AKT3: variants seen among roughly 807,000 people sequenced by gnomAD.
AKT3 encodes the protein RAC-gamma serine/threonine-protein kinase.
AKT3 carries 15 observed loss-of-function variants against 65.3 expected under a neutral mutation model. The ratio of observed to expected loss-of-function variants is 0.23; its 90% CI spans 0.15 to 0.35. The LOEUF (loss-of-function observed/expected upper bound fraction) is 0.35, where lower values mean the gene tolerates loss of function less well. Ranked by LOEUF, AKT3 falls within the 10% of genes least tolerant of loss-of-function variation. The pLI is 1.00. For missense variants in AKT3, 243 were observed against 576.5 expected (o/e 0.42, Z 5.92); for synonymous variants, 206 against 183.8 (o/e 1.12, Z -0.98).
At chr1:243,568,055 A>G (rs1472011875) in intron 9 of AKT3, among the ~76,000 whole-genome samples, 1 of 152,224 alleles carries the variant, frequency 6.6e-6, no homozygotes, top group Non-Finnish European at 1.5e-5. Context: ...TACAGTAGTC[A>G]TACATTTTTA....
chr1:243,508,882 T>TA (rs1324936540), intron 13 of AKT3, among the ~76,000 whole-genome samples: 1 of 151,962 alleles, frequency 6.6e-6, no homozygotes, highest in East Asian at 1.9e-4. Context: ...TTGGCCAGGC[T>TA]AGTCTCAGAC....
intron 5 of AKT3, among the ~76,000 whole-genome samples, chr1:243,640,274 G>C (rs1680275296): frequency 1.3e-5 from 2 of 152,188 alleles, no homozygotes; most frequent in Admixed American, 1.3e-4. Context: ...TAATAGAGCA[G>C]AAAAAATCAG....
intron 9 of AKT3, among the ~76,000 whole-genome samples, chr1:243,564,440 TA>T (rs779968346): frequency 5.3e-5 from 8 of 152,144 alleles, no homozygotes; most frequent in Non-Finnish European, 8.8e-5. Flanking sequence ...CAACAGTTAA[TA>T]AAAATATATA....
At chr1:243,585,180 A>C (rs1334664141) in intron 8 of AKT3, among the ~76,000 whole-genome samples, 1 of 152,168 alleles carries the variant, frequency 6.6e-6, no homozygotes, top group Admixed American at 6.5e-5. Context: ...CTAACCAAGA[A>C]GGTAAAAGAT....
chr1:243,686,909 C>T (rs1239512629), intron 3 of AKT3, among the ~76,000 whole-genome samples: 1 of 151,412 alleles, frequency 6.6e-6, no homozygotes, highest in Non-Finnish European at 1.5e-5. Flanking sequence ...AAGTGATCCA[C>T]CCACCTCAGC....
chr1:243,577,294 G>A (rs1358313662), intron 8 of AKT3, among the ~76,000 whole-genome samples: 1 of 152,088 alleles, frequency 6.6e-6, no homozygotes, highest in Non-Finnish European at 1.5e-5. Flanking sequence ...TTACAGGCAT[G>A]TGCTACCACA....
In AKT3 at chr1:243,806,875, G is replaced by A. The variant is rs148594032; in HGVS notation, c.46+36250C>T. 9.2e-5 allele frequency among the ~76,000 whole-genome samples: 14 copies of A among 152,254 alleles called. No individual in the cohort carries two copies. In the East Asian group the frequency reaches 2.7e-3, roughly 29 times the overall value. ...AAGGCAAGAGTGGGTTCTTTCAGTG[G>A]TAGTAATGCATCTTTCCTTGCAAAT... On this transcript the variant is annotated intron_variant, in intron 2 of 13. Transcript: ENST00000673466.
chr1:243,822,528 C>T (rs960465707), intron 2 of AKT3, among the ~76,000 whole-genome samples: 15 of 147,216 alleles, frequency 1.0e-4, no homozygotes, highest in East Asian at 3.9e-4. Context: ...ATAGCTAGAA[C>T]GCCAGCTAGA....
chr1:243,700,907 T>C, intron 2 of AKT3, among the ~76,000 whole-genome samples: 1 of 152,194 alleles, frequency 6.6e-6, no homozygotes, highest in East Asian at 1.9e-4. Flanking sequence ...TAAATCATCT[T>C]TATCATGAAT....
chr1:243,594,858 G>T (rs970056034), intron 8 of AKT3, among the ~76,000 whole-genome samples: 1 of 152,166 alleles, frequency 6.6e-6, no homozygotes, highest in East Asian at 1.9e-4. Context: ...GGGATTACAG[G>T]TATAAGCCCC....
intron 4 of AKT3, among the ~76,000 whole-genome samples, chr1:243,648,156 A>G (rs1572095993): frequency 6.6e-6 from 1 of 151,772 alleles, no homozygotes; most frequent in Non-Finnish European, 1.5e-5. Context: ...TACTCGGGAG[A>G]CTGAGACATG....
At chr1:243,526,676 A>T (rs1465705769) in intron 12 of AKT3, among the ~76,000 whole-genome samples, 1 of 151,670 alleles carries the variant, frequency 6.6e-6, no homozygotes, top group East Asian at 1.9e-4. Flanking sequence ...TCAACCCACA[A>T]TTTTATATTC....
chr1:243,608,513 C>T (rs928892084), intron 8 of AKT3, among the ~76,000 whole-genome samples: 4 of 151,980 alleles, frequency 2.6e-5, no homozygotes, highest in Non-Finnish European at 5.9e-5. Context: ...GAGTGTGCTG[C>T]CATTTTGGTA....
At position 243,705,066 on chromosome 1, in the gene AKT3, CAT is replaced by C. The variant is rs1487836708; in HGVS notation, c.47-9352_47-9351del. On this transcript the variant is annotated intron_variant, in intron 2 of 13. Coordinates refer to ENST00000673466, the MANE Select transcript of AKT3 (RefSeq NM_005465.7). ...GTACCCACATTCCTCTGCTTTGCCA[CAT>C]ATGTTCCCTCATGATTATTTTGAAA... 4.5e-4 allele frequency among the ~76,000 whole-genome samples: 68 copies of C among 152,282 alleles called. 1 individual carries two copies. The highest frequency in any genetic ancestry group is 2.4e-3 in the Admixed American group (36 of 15,288).
At chr1:243,762,423 C>G (rs1264825746) in intron 2 of AKT3, among the ~76,000 whole-genome samples, 3 of 152,008 alleles carry the variant, frequency 2.0e-5, no homozygotes, top group African/African-American at 4.8e-5. Context: ...TTTTATCTGA[C>G]TGATGTATAA....
chr1:243,692,907 C>T (rs1439213678), intron 3 of AKT3, among the ~76,000 whole-genome samples: 1 of 151,902 alleles, frequency 6.6e-6, no homozygotes, highest in African/African-American at 2.4e-5. Context: ...TTTTCCCCTA[C>T]ATTAGCAATT....
chr1:243,580,930 A>G (rs1473459917), intron 8 of AKT3, among the ~76,000 whole-genome samples: 1 of 152,168 alleles, frequency 6.6e-6, no homozygotes. Context: ...CTAGGCATTC[A>G]GAGCACCTCC....
chr1:243,812,003 T>A (rs371974405), intron 2 of AKT3, among the ~76,000 whole-genome samples: 1 of 152,014 alleles, frequency 6.6e-6, no homozygotes, highest in Non-Finnish European at 1.5e-5. Context: ...CTTCCTTACA[T>A]CTTATACAAA....
intron 1 of AKT3, among the ~76,000 whole-genome samples, chr1:243,844,784 C>G (rs1395628261): frequency 1.3e-5 from 2 of 152,172 alleles, no homozygotes; most frequent in Non-Finnish European, 2.9e-5. Flanking sequence ...GGGTCTTCTT[C>G]ATAAGATGTA....
Sources: gnomAD v4.1 joint callset for allele counts (sites outside exome capture counted in the v4.1 genomes callset) on GRCh38, gnomAD v4.1.1 for gene constraint, MANE v1.5 for transcripts, NCBI Gene and HGNC (gene_info 2026-07-23, HGNC 2026-07-21) for gene names.